Variants in SPRYD4 observed in about 807,000 individuals in gnomAD.
SPRYD4 encodes SPRY domain-containing protein 4.
A neutral mutation model predicts 16.6 loss-of-function variants in SPRYD4; 12 were observed. The observed-to-expected ratio is 0.72, with a 90% CI of 0.46 to 1.17. The LOEUF is 1.17. Among genes scored for constraint, SPRYD4 ranks in the 50% most tolerant of loss-of-function variants. The pLI is 0.00. For missense variants in SPRYD4, 260 were observed against 260.2 expected (o/e 1.00, Z 0.00); for synonymous variants, 98 against 105.4 (o/e 0.93, Z 0.43).
chr12:56,476,126 GA>G lies in SPRYD4; in HGVS notation c.*6553del. On this transcript the variant is annotated 3_prime_UTR_variant, in exon 2 of 2. Transcript: ENST00000338146. ...ATAATGGCCCTTTTTTTATCCTTCT[GA>G]AAACACCGCACTTCCATTGGCTCCT... is the stretch of plus-strand genomic sequence containing the variant. 1.5e-6 allele frequency: 1 copy of G among 683,574 alleles called. No homozygotes were observed. The highest frequency in any genetic ancestry group is 2.5e-6 in the Non-Finnish European group (1 of 396,284). 42.3% of individuals were successfully genotyped at this position (683,574 alleles called of 1,614,324 possible).
At position 56,472,376 on chromosome 12, in the gene SPRYD4, G is replaced by A. The variant is rs1869363255; in HGVS notation, c.*2799G>A. Reference sequence around the variant, plus strand: ...ATGAGACTGTTATACTCATATTAGAGAGATGGGAATGTGATCCTTCCAGAA... The same window carrying A: ...ATGAGACTGTTATACTCATATTAGAAAGATGGGAATGTGATCCTTCCAGAA... On this transcript the variant is annotated 3_prime_UTR_variant, in exon 2 of 2. Transcript: ENST00000338146. 1 of 620,312 alleles carries A rather than the reference G, an allele frequency of 1.6e-6. No individual in the cohort carries two copies. The highest frequency in any genetic ancestry group is 2.9e-5 in the Admixed American group (1 of 34,388). 38.4% of individuals were successfully genotyped at this position (620,312 alleles called of 1,614,324 possible). A position where few individuals can be genotyped will look rare whatever the true frequency, so the allele number is the denominator to read the frequency against.
rs767055232 is a variant in SPRYD4, at chr12:56,477,677, C to T, written c.*8100C>T. ...GCACTGACCTTGATCAGGGAGCTGA[C>T]AACAATGGCACCAGCATTGACCATG... On this transcript the variant is annotated 3_prime_UTR_variant, in exon 2 of 2. Transcript: ENST00000338146. 1.7e-5 allele frequency: 27 copies of T among 1,613,600 alleles called. No individual in the cohort carries two copies. The highest frequency in any genetic ancestry group is 2.2e-5 in the Non-Finnish European group (26 of 1,179,816).
chr12:56,473,261 C>T lies in SPRYD4; in HGVS notation c.*3684C>T. ...CTGCCCCTTCACGCCGTGGGTCTAA[C>T]TTCCGAGCACAGTGCCTCAGGTTGT... On this transcript the variant is annotated 3_prime_UTR_variant, in exon 2 of 2. Transcript: ENST00000338146. 1 of 1,614,140 alleles carries T rather than the reference C, an allele frequency of 6.2e-7. No homozygotes were observed. Among genetic ancestry groups the T allele is most frequent in the South Asian group, 1.1e-5 (1 of 91,076 alleles).
At position 56,473,327 on chromosome 12, in the gene SPRYD4, T is replaced by C; in HGVS notation, c.*3750T>C. Reference sequence around the variant, plus strand: ...TGAAGAGAGACACCAACTTCTAGAATTGTAAGCCAAATATATTGTTTATTT... The same window carrying C: ...TGAAGAGAGACACCAACTTCTAGAACTGTAAGCCAAATATATTGTTTATTT... On this transcript the variant is annotated 3_prime_UTR_variant, in exon 2 of 2. Transcript: ENST00000338146. 6.2e-7 allele frequency: 1 copy of C among 1,614,020 alleles called. No homozygotes were observed. The highest frequency in any genetic ancestry group is 8.5e-7 in the Non-Finnish European group (1 of 1,179,928).
chr12:56,479,397 G>T lies in SPRYD4; in HGVS notation c.*9820G>T. The T allele has an allele frequency of 2.0e-6, 1 of 510,182 alleles. No homozygotes were observed. The highest frequency in any genetic ancestry group is 3.3e-6 in the Non-Finnish European group (1 of 301,062). 31.6% of individuals were successfully genotyped at this position (510,182 alleles called of 1,614,324 possible). ...TGATGTGGAAAGACACTATGTCTTG[G>T]GATATGAGAAAAAAAATAAATACCA... On this transcript the variant is annotated 3_prime_UTR_variant, in exon 2 of 2. Coordinates refer to ENST00000338146, the MANE Select transcript of SPRYD4 (RefSeq NM_207344.4).
chr12:56,476,590 A>AT lies in SPRYD4; in HGVS notation c.*7034dup, dbSNP rs761969192. 5,591 of 125,960 alleles carry AT rather than the reference A, an allele frequency of 0.044. 247 individuals carry two copies. The highest frequency in any genetic ancestry group is 0.091 in the African/African-American group (3,016 of 33,092). The allele number at this position is 125,960 out of a possible 1,614,324, so 7.8% of individuals were successfully genotyped here. A position where few individuals can be genotyped will look rare whatever the true frequency, so the allele number is the denominator to read the frequency against. ...GCAACATAGGAGAGACCCTGCCTCA[A>AT]TTTTTTTTTTTTTTTTTTTTTGAGA... On this transcript the variant is annotated 3_prime_UTR_variant, in exon 2 of 2. Coordinates refer to ENST00000338146, the MANE Select transcript of SPRYD4 (RefSeq NM_207344.4).
rs984945960 is a variant in SPRYD4 at position 56,478,213 on chromosome 12, C to T, written c.*8636C>T. The T allele has an allele frequency of 6.2e-7, 1 of 1,614,100 alleles. No homozygotes were observed. The highest frequency in any genetic ancestry group is 1.3e-5 in the African/African-American group (1 of 74,928). On this transcript the variant is annotated 3_prime_UTR_variant, in exon 2 of 2. Transcript: ENST00000338146. ...ACCATCCACAGTGCACAGGGAGACA[C>T]CCCACAGGTCTGGGTTTGACTTGGC...
At chr12:56,468,782 C>A in intron 1 of SPRYD4, 106 bp downstream of exon 1, 1 of 1,273,156 alleles carries the variant, frequency 7.9e-7, no homozygotes, top group East Asian at 2.4e-5. Flanking sequence ...CTTTTCCTTC[C>A]CCACCTGCCT....
Position 56,473,639 on chromosome 12 carries a change from A to C in SPRYD4, c.*4062A>C. On this transcript the variant is annotated 3_prime_UTR_variant, in exon 2 of 2. Coordinates refer to ENST00000338146, the MANE Select transcript of SPRYD4 (RefSeq NM_207344.4). Reference sequence around the variant, plus strand: ...CTGAGGATAAAGTGGGTGTGCCCCAAATCAGAAAATAAACAAGTTAGGCTG... The same window carrying C: ...CTGAGGATAAAGTGGGTGTGCCCCACATCAGAAAATAAACAAGTTAGGCTG... The C allele has an allele frequency of 6.4e-7, 1 of 1,571,410 alleles. No homozygotes were observed. The highest frequency in any genetic ancestry group is 8.6e-7 in the Non-Finnish European group (1 of 1,156,516).
At chr12:56,468,816 G>T in intron 1 of SPRYD4, 140 bp downstream of exon 1, 1 of 1,066,532 alleles carries the variant, frequency 9.4e-7, no homozygotes, top group Non-Finnish European at 1.3e-6. Context: ...CCAAACCTGT[G>T]ATACCATTTG....
Position 56,472,814 on chromosome 12 carries a change from G to T in SPRYD4, c.*3237G>T. On this transcript the variant is annotated 3_prime_UTR_variant, in exon 2 of 2. Coordinates refer to ENST00000338146, the MANE Select transcript of SPRYD4 (RefSeq NM_207344.4). ...CTCACCTATGCCAGCTGTGCCCTGT[G>T]ACCCTCCTCCATGGATGCTTAGTCC... 7.1e-7 allele frequency: 1 copy of T among 1,404,854 alleles called. No homozygotes were observed. Among genetic ancestry groups the T allele is most frequent in the South Asian group, 1.2e-5 (1 of 86,520 alleles). 87.0% of individuals were successfully genotyped at this position (1,404,854 alleles called of 1,614,324 possible).
chr12:56,475,172 A>C lies in SPRYD4; in HGVS notation c.*5595A>C. The C allele has an allele frequency of 2.5e-6, 4 of 1,610,008 alleles. No homozygotes were observed. Among genetic ancestry groups the C allele is most frequent in the Non-Finnish European group, 3.4e-6 (4 of 1,180,012 alleles). On this transcript the variant is annotated 3_prime_UTR_variant, in exon 2 of 2. Transcript: ENST00000338146. ...GGAGTGGGTGTTGGGAGAAGGGGAAAAATTACCTTCCCTGGAGAGACAGAA... is the reference window on the plus strand; with the variant it reads ...GGAGTGGGTGTTGGGAGAAGGGGAACAATTACCTTCCCTGGAGAGACAGAA...
rs1408237692 is a variant in SPRYD4, at chr12:56,477,922, G to T, written c.*8345G>T. The T allele has an allele frequency of 3.1e-6, 5 of 1,610,434 alleles. No homozygotes were observed. Among genetic ancestry groups the T allele is most frequent in the Non-Finnish European group, 4.2e-6 (5 of 1,177,956 alleles). ...AGCTGTAAGTACGGTCTGAGCCTTG[G>T]TAGTGCTCACCTTCCTCATTGAGGG... On this transcript the variant is annotated 3_prime_UTR_variant, in exon 2 of 2. Coordinates refer to ENST00000338146, the MANE Select transcript of SPRYD4 (RefSeq NM_207344.4).
In SPRYD4 at chr12:56,469,079, C is replaced by G. The variant is rs371913245; in HGVS notation, c.126C>G (p.Ser42Arg). ...FKLEEKTAHS[S>R]LALFRDDTGV... ...TGGAAGAAAAAACCGCCCACAGCAG[C>G]CTGGCACTCTTCAGAGATGATACGG... The change falls in exon 2 of 2, where the codon AGC becomes AGG. Residue 42 changes from serine to arginine, a missense_variant. By Grantham distance (110) the Ser-to-Arg change is moderately radical (BLOSUM62 -1). Transcript: ENST00000338146. 2.3e-5 allele frequency: 37 copies of G among 1,600,090 alleles called. No homozygotes were observed. In the South Asian group the frequency reaches 3.7e-4, roughly 16 times the overall value.
chr12:56,478,579 T>C lies in SPRYD4; in HGVS notation c.*9002T>C. On this transcript the variant is annotated 3_prime_UTR_variant, in exon 2 of 2. Transcript: ENST00000338146. ...ATCCCTTTGAAGGCTCTATTCGATC[T>C]TGATTCCCTCACCTGCTCTAGGAAT... The C allele has an allele frequency of 3.0e-6, 1 of 337,728 alleles. No homozygotes were observed. Among genetic ancestry groups the C allele is most frequent in the East Asian group, 6.4e-5 (1 of 15,606 alleles). The allele number at this position is 337,728 out of a possible 1,614,324, so 20.9% of individuals were successfully genotyped here. A position where few individuals can be genotyped will look rare whatever the true frequency, so the allele number is the denominator to read the frequency against.
chr12:56,472,607 T>C lies in SPRYD4; in HGVS notation c.*3030T>C, dbSNP rs538737952. 1 of 1,268,742 alleles carries C rather than the reference T, an allele frequency of 7.9e-7. No homozygotes were observed. Among genetic ancestry groups the C allele is most frequent in the Middle Eastern group, 1.9e-4 (1 of 5,352 alleles). The allele number at this position is 1,268,742 out of a possible 1,614,324, so 78.6% of individuals were successfully genotyped here. A position where few individuals can be genotyped will look rare whatever the true frequency, so the allele number is the denominator to read the frequency against. On this transcript the variant is annotated 3_prime_UTR_variant, in exon 2 of 2. Transcript: ENST00000338146. The stretch of plus-strand genomic sequence containing the variant: ...CATTCTAATTCCAAAGCTGAAGCAC[T>C]TAACTATTTTGTTACGCTGCCTCCT...
rs1248214647 is a variant in SPRYD4 at position 56,474,993 on chromosome 12, C to T, written c.*5416C>T. 6.2e-7 allele frequency: 1 copy of T among 1,613,922 alleles called. No individual in the cohort carries two copies. The highest frequency in any genetic ancestry group is 2.2e-5 in the East Asian group (1 of 44,884). On this transcript the variant is annotated 3_prime_UTR_variant, in exon 2 of 2. Coordinates refer to ENST00000338146, the MANE Select transcript of SPRYD4 (RefSeq NM_207344.4). The stretch of plus-strand genomic sequence containing the variant: ...AAGCCCCCAACCCCTACTGCCCTTC[C>T]ACTAGCAGCAGAATTCCCAGGGACT...
At position 56,478,261 on chromosome 12, in the gene SPRYD4, A is replaced by G; in HGVS notation, c.*8684A>G. The stretch of plus-strand genomic sequence containing the variant: ...GGCCAGCTGAGGGATGTAGGCTGCC[A>G]CCTGGACATGAGTGGGTAGAGAAAA... On this transcript the variant is annotated 3_prime_UTR_variant, in exon 2 of 2. Transcript: ENST00000338146. 6.2e-7 allele frequency: 1 copy of G among 1,614,200 alleles called. No individual in the cohort carries two copies. Among genetic ancestry groups the G allele is most frequent in the Non-Finnish European group, 8.5e-7 (1 of 1,180,024 alleles).
rs1431880212 is a variant in SPRYD4 at position 56,472,550 on chromosome 12, T to TA, written c.*2980dup. On this transcript the variant is annotated 3_prime_UTR_variant, in exon 2 of 2. Transcript: ENST00000338146. The stretch of plus-strand genomic sequence containing the variant: ...TTTTTTTAAAAAAAATCTCCTTTTT[T>TA]AAAAAAATTTCATTTAAATGCAATC... 46 of 755,708 alleles carry TA rather than the reference T, an allele frequency of 6.1e-5. 1 individual carries two copies. The highest frequency in any genetic ancestry group is 9.7e-5 in the Non-Finnish European group (45 of 464,550). 46.8% of individuals were successfully genotyped at this position (755,708 alleles called of 1,614,324 possible).
Sources: gnomAD v4.1 joint callset for allele counts on GRCh38, gnomAD v4.1.1 for gene constraint, MANE v1.5 for transcripts, NCBI Gene and HGNC (gene_info 2026-07-23, HGNC 2026-07-21) for gene names.